Variants in LIMCH1 observed in about 807,000 individuals in gnomAD.
LIMCH1 encodes LIM and calponin homology domains-containing protein 1.
In LIMCH1, 113 loss-of-function variants were observed where a neutral mutation model predicts 176.5. That is an observed-to-expected ratio of 0.64 (90% CI 0.55 to 0.75). The LOEUF is 0.75. LIMCH1 is among the 30% of genes least tolerant of loss of function. LIMCH1 has a pLI of 0.00. For synonymous variants in LIMCH1, 619 were observed against 645.9 expected (o/e 0.96, Z 0.63); for missense variants, 1,674 against 1,814.9 (o/e 0.92, Z 1.41).
At chr4:41,526,208 C>T (rs1394655818) in intron 3 of LIMCH1, among the ~76,000 whole-genome samples, 2 of 150,612 alleles carry the variant, frequency 1.3e-5, no homozygotes, top group East Asian at 1.9e-4. Context: ...GACTAGTATT[C>T]CTCTACTTTC....
At chr4:41,685,598 A>G (rs1003603808) in intron 27 of LIMCH1, 112 bp from the exon 28 acceptor site, 1 of 1,279,096 alleles carries the variant, frequency 7.8e-7, no homozygotes, top group East Asian at 2.4e-5. Flanking sequence ...CATGACCTGC[A>G]TGAAATCGCT....
chr4:41,628,409 G>T lies in LIMCH1; in HGVS notation c.1029-1083G>T, dbSNP rs190970632. On this transcript the variant is annotated intron_variant, in intron 8 of 31. Coordinates refer to ENST00000503057, the MANE Select transcript of LIMCH1 (RefSeq NM_001330672.2). The stretch of plus-strand genomic sequence containing the variant: ...CTTGACCTCTCTAGACAGCATCAAA[G>T]AACTTATTAAAAAAAAAAAAAAAAA... Among the ~76,000 whole-genome samples, 8 of 131,926 alleles carry T rather than the reference G, an allele frequency of 6.1e-5. No individual in the cohort carries two copies. In the East Asian group the frequency reaches 1.7e-3, roughly 29 times the overall value. 86.5% of individuals were successfully genotyped at this position (131,926 alleles called of 152,430 possible).
chr4:41,606,115 A>G (rs980142894), intron 4 of LIMCH1, 111 bp downstream of exon 4: 3 of 669,028 alleles, frequency 4.5e-6, no homozygotes, highest in Non-Finnish European at 8.0e-6. Flanking sequence ...GGTATGAGCC[A>G]AAGATATGCA....
At chr4:41,472,552 T>C (rs1339254858) in intron 1 of LIMCH1, among the ~76,000 whole-genome samples, 3 of 152,134 alleles carry the variant, frequency 2.0e-5, no homozygotes, top group African/African-American at 4.8e-5. Flanking sequence ...CCCAAGTAGC[T>C]GGGACTATAG....
At chr4:41,442,305 T>C (rs1035705220) in intron 1 of LIMCH1, among the ~76,000 whole-genome samples, 6 of 148,958 alleles carry the variant, frequency 4.0e-5, no homozygotes, top group Non-Finnish European at 8.8e-5. Flanking sequence ...GTCTCAAAAA[T>C]ACATAAATAA....
chr4:41,360,673 G>T (rs1410705231), upstream of LIMCH1: 1 of 336,540 alleles, frequency 3.0e-6, no homozygotes, highest in African/African-American at 2.2e-5. This position sits in a 1 kb window ranked among gnomAD's most constrained non-coding sequence, Gnocchi z 4.5. Flanking sequence ...CAGCTGCCGC[G>T]GCGTCCTCTA....
At chr4:41,624,360 A>G (rs543780230) in intron 7 of LIMCH1, among the ~76,000 whole-genome samples, 10 of 152,166 alleles carry the variant, frequency 6.6e-5, no homozygotes, top group African/African-American at 2.4e-4. Flanking sequence ...AAATCTTTAG[A>G]GGAAGAGCAG....
At chr4:41,467,156 TATACACACAC>T (rs1404924711) in intron 1 of LIMCH1, among the ~76,000 whole-genome samples, 1 of 100,242 alleles carries the variant, frequency 1.0e-5, no homozygotes, top group Non-Finnish European at 1.9e-5. Flanking sequence ...TGTATGTATA[TATACACACAC>T]ACACACACAC....
chr4:41,693,947 C>T (rs1355536860), intron 31 of LIMCH1, among the ~76,000 whole-genome samples: 1 of 152,070 alleles, frequency 6.6e-6, no homozygotes, highest in Non-Finnish European at 1.5e-5. Flanking sequence ...CTCTTTTCAT[C>T]TAGATTTTTT....
At chr4:41,628,625 A>AT (rs1050156437) in intron 8 of LIMCH1, among the ~76,000 whole-genome samples, 1 of 152,142 alleles carries the variant, frequency 6.6e-6, no homozygotes, top group African/African-American at 2.4e-5. Context: ...CTATTTATAT[A>AT]TTTTTTGAGA....
Position 41,419,635 on chromosome 4 carries a change from C to CT in LIMCH1, c.96+58700dup, listed in dbSNP as rs1457379676. Among the ~76,000 whole-genome samples, 533 of 64,174 alleles carry CT rather than the reference C, an allele frequency of 8.3e-3. 27 individuals carry two copies. Among genetic ancestry groups the CT allele is most frequent in the African/African-American group, 0.04 (432 of 10,916 alleles). The allele number at this position is 64,174 out of a possible 152,430, so 42.1% of individuals were successfully genotyped here. A position where few individuals can be genotyped will look rare whatever the true frequency, so the allele number is the denominator to read the frequency against. ...CCTTCCTTCCTTCCTTCCTTCCTTC[C>CT]TCCTTCCTTTCTTCCTCCTTCCTTC... On this transcript the variant is annotated intron_variant, in intron 1 of 26. Transcript: ENST00000313860.
At chr4:41,469,665 G>GATTGATTGATTGATTGATTT (rs1554061021) in intron 1 of LIMCH1, among the ~76,000 whole-genome samples, 1 of 148,248 alleles carries the variant, frequency 6.7e-6, no homozygotes, top group Non-Finnish European at 1.5e-5. Context: ...CTTGTTTTGA[G>GATTGATTGATTGATTGATTT]ATTTATTTAT....
chr4:41,481,298 G>A (rs1490083365), intron 1 of LIMCH1, among the ~76,000 whole-genome samples: 3 of 152,182 alleles, frequency 2.0e-5, no homozygotes, highest in Non-Finnish European at 2.9e-5. Flanking sequence ...ACTGCCACAG[G>A]AAGAAGAGTT....
intron 2 of LIMCH1, among the ~76,000 whole-genome samples, chr4:41,515,450 G>A (rs376402838): frequency 3.9e-5 from 6 of 152,236 alleles, no homozygotes; most frequent in African/African-American, 1.4e-4. Context: ...AGGAGGAGAA[G>A]TGAGCCAGTG....
intron 14 of LIMCH1, among the ~76,000 whole-genome samples, chr4:41,642,384 T>C (rs1400699796): frequency 1.3e-5 from 2 of 152,158 alleles, no homozygotes; most frequent in African/African-American, 4.8e-5. Context: ...CCTGCTTAAG[T>C]GAATTTTGAT....
At chr4:41,411,349 A>G (rs903690545) in intron 1 of LIMCH1, among the ~76,000 whole-genome samples, 1 of 152,088 alleles carries the variant, frequency 6.6e-6, no homozygotes, top group East Asian at 1.9e-4. Context: ...GAAAATTACT[A>G]TGTTGCTGGG....
intron 1 of LIMCH1, among the ~76,000 whole-genome samples, chr4:41,449,832 G>C (rs2063670220): frequency 6.6e-6 from 1 of 152,202 alleles, no homozygotes; most frequent in South Asian, 2.1e-4. Context: ...AGTTCTGGAG[G>C]CTGGAAGTCC....
At chr4:41,692,831 G>C (rs1727243011) in intron 31 of LIMCH1, 1 of 157,176 alleles carries the variant, frequency 6.4e-6, no homozygotes, top group South Asian at 1.9e-4. Context: ...GTTTCATTAC[G>C]TCATATGTGT....
upstream of LIMCH1, chr4:41,360,727 G>A (rs2051850503): frequency 1.7e-6 from 1 of 605,378 alleles, no homozygotes; most frequent in Non-Finnish European, 2.5e-6. The surrounding 1 kb of genome is among the most constrained non-coding windows in gnomAD (Gnocchi z 4.5). Context: ...CGGGGGCGGG[G>A]AGAGGCGGGG....
Sources: gnomAD v4.1 joint callset for allele counts (sites outside exome capture counted in the v4.1 genomes callset) on GRCh38, gnomAD v4.1.1 for gene constraint, Gnocchi (gnomAD v3.1) non-coding constraint, MANE v1.5 for transcripts, NCBI Gene and HGNC (gene_info 2026-07-23, HGNC 2026-07-21) for gene names.